The following RBBP4 variants were observed in gnomAD, a reference collection of about 807,000 sequenced individuals.
RBBP4 encodes the protein RB binding protein 4, chromatin remodeling factor.
A neutral mutation model predicts 57.2 loss-of-function variants in RBBP4; 3 were observed. The ratio of observed to expected loss-of-function variants is 0.05; its 90% CI spans 0.02 to 0.14. RBBP4 has a LOEUF of 0.14. Among genes scored for constraint, RBBP4 ranks in the 10% least tolerant of loss-of-function variants. The pLI is 1.00. For synonymous variants in RBBP4, 151 were observed against 171.5 expected, an observed-to-expected ratio of 0.88 and a Z score of 0.93; for missense variants, 107 against 520.6, an observed-to-expected ratio of 0.21 and a Z score of 7.73.
chr1:32,678,498 A>AT (rs1649217892), intron 11 of RBBP4, among the ~76,000 whole-genome samples: 1 of 146,594 alleles, frequency 6.8e-6, no homozygotes, highest in South Asian at 2.3e-4. Flanking sequence ...AAATGCTGGG[A>AT]TTACAGGCGT....
At chr1:32,651,893 A>C in intron 1 of RBBP4, 21 bp from the exon 2 acceptor site, 1 of 1,612,358 alleles carries the variant, frequency 6.2e-7, no homozygotes, top group Non-Finnish European at 8.5e-7. Flanking sequence ...GCTAACTTAA[A>C]TTTGTTTTTA....
chr1:32,662,960 C>T (rs1648489338), intron 3 of RBBP4, among the ~76,000 whole-genome samples: 1 of 151,916 alleles, frequency 6.6e-6, no homozygotes, highest in South Asian at 2.1e-4. Flanking sequence ...GCACTCCAGC[C>T]TGGGTGACGA....
At chr1:32,657,276 TAAAAAAAG>T in intron 2 of RBBP4, 143 bp from the exon 3 acceptor site, 2 of 743,024 alleles carry the variant, frequency 2.7e-6, no homozygotes, top group Non-Finnish European at 4.2e-6. Context: ...ACTCTATTTA[TAAAAAAAG>T]AAAGAAAGAA....
At position 32,668,870 on chromosome 1, in the gene RBBP4, A is replaced by C; in HGVS notation, c.600+16A>C. On this transcript the variant is annotated intron_variant, in intron 5 of 11. Transcript: ENST00000373493. Reference sequence around the variant, plus strand: ...AGATGACCATGTGTGTATCCTTCCCATTTTGAAGCAAATCTGGGCTAGTTA... The same window carrying C: ...AGATGACCATGTGTGTATCCTTCCCCTTTTGAAGCAAATCTGGGCTAGTTA... 1 of 1,613,394 alleles carries C rather than the reference A, an allele frequency of 6.2e-7. No individual in the cohort carries two copies. Among genetic ancestry groups the C allele is most frequent in the South Asian group, 1.1e-5 (1 of 91,066 alleles).
chr1:32,660,648 G>C (rs1648364822), intron 3 of RBBP4, among the ~76,000 whole-genome samples: 1 of 150,136 alleles, frequency 6.7e-6, no homozygotes, highest in African/African-American at 2.5e-5. Context: ...CTGGAACTCT[G>C]GCCTCAATCT....
intron 3 of RBBP4, among the ~76,000 whole-genome samples, chr1:32,665,267 T>C (rs1360102441): frequency 1.3e-5 from 2 of 152,220 alleles, no homozygotes; most frequent in African/African-American, 4.8e-5. Context: ...TTTAGGTTTT[T>C]AGCCTGTGTG....
intron 3 of RBBP4, among the ~76,000 whole-genome samples, chr1:32,661,302 C>CTT (rs4011923): frequency 7.3e-6 from 1 of 137,442 alleles, no homozygotes; most frequent in Non-Finnish European, 1.5e-5. Flanking sequence ...TTTTTAGTTC[C>CTT]TTTTTTTTTT....
intron 3 of RBBP4, among the ~76,000 whole-genome samples, chr1:32,658,696 A>G (rs1648254696): frequency 6.6e-6 from 1 of 151,622 alleles, no homozygotes. Flanking sequence ...ACAGGCATGC[A>G]CCACCACGCC....
At chr1:32,655,985 A>T (rs542821138) in intron 2 of RBBP4, among the ~76,000 whole-genome samples, 21 of 152,286 alleles carry the variant, frequency 1.4e-4, no homozygotes, top group African/African-American at 4.6e-4. Flanking sequence ...CGTTTCTAAC[A>T]AGTTCCCAGA....
chr1:32,669,639 C>T lies in RBBP4; in HGVS notation c.966+76C>T. 6.6e-7 allele frequency: 1 copy of T among 1,513,388 alleles called. No homozygotes were observed. Among genetic ancestry groups the T allele is most frequent in the East Asian group, 2.3e-5 (1 of 43,142 alleles). 93.7% of individuals were successfully genotyped at this position (1,513,388 alleles called of 1,614,324 possible). ...GGCGCGGTCGCTCACGCCTGTAATC[C>T]CAGCACTTTGGGAGGCTGAAGCGGG... On this transcript the variant is annotated intron_variant, in intron 8 of 11. Transcript: ENST00000373493. This position sits in a 1 kb window ranked among gnomAD's most constrained non-coding sequence, Gnocchi z 4.9.
chr1:32,653,537 G>T (rs868801842), intron 2 of RBBP4, among the ~76,000 whole-genome samples: 1 of 145,006 alleles, frequency 6.9e-6, no homozygotes, highest in South Asian at 2.2e-4. Context: ...AGTGGCATAA[G>T]GAAAAATAGG....
rs373681116 is a variant in RBBP4 at position 32,684,021 on chromosome 1, G to C, written c.*4316G>C. On this transcript the variant is annotated 3_prime_UTR_variant, in exon 12 of 12. Coordinates refer to ENST00000373493, the MANE Select transcript of RBBP4 (RefSeq NM_005610.3). ...TTCACAAAGATCACCTTGAGACTGT[G>C]TCTCCATTCCACCTGCCTGAGAAGT... The C allele has an allele frequency of 1.1e-4, 173 of 1,613,986 alleles. No homozygotes were observed. Among genetic ancestry groups the C allele is most frequent in the Non-Finnish European group, 1.4e-4 (167 of 1,179,948 alleles).
At chr1:32,656,206 T>C (rs1479137299) in intron 2 of RBBP4, among the ~76,000 whole-genome samples, 2 of 152,304 alleles carry the variant, frequency 1.3e-5, no homozygotes, top group East Asian at 3.9e-4. Context: ...TTTTTCTTTT[T>C]TGAGACAGGA....
chr1:32,665,749 C>G (rs1275531374), intron 3 of RBBP4, among the ~76,000 whole-genome samples: 1 of 150,566 alleles, frequency 6.6e-6, no homozygotes, highest in Non-Finnish European at 1.5e-5. Context: ...TTAAGTTACT[C>G]TCACAACTTC....
intron 3 of RBBP4, among the ~76,000 whole-genome samples, chr1:32,660,738 G>T (rs1307778510): frequency 6.6e-6 from 1 of 151,844 alleles, no homozygotes; most frequent in Non-Finnish European, 1.5e-5. Context: ...TTTATGTTTG[G>T]GCCATTAAAA....
chr1:32,683,874 C>A lies in RBBP4; in HGVS notation c.*4169C>A. 1 of 774,666 alleles carries A rather than the reference C, an allele frequency of 1.3e-6. No individual in the cohort carries two copies. The highest frequency in any genetic ancestry group is 2.1e-6 in the Non-Finnish European group (1 of 477,210). The allele number at this position is 774,666 out of a possible 1,614,324, so 48.0% of individuals were successfully genotyped here. ...TCTTGAACTCCTGACTCCAGGTGATCCACCCTCCTCAGCCTCCCAAAGTGC... is the reference window on the plus strand; with the variant it reads ...TCTTGAACTCCTGACTCCAGGTGATACACCCTCCTCAGCCTCCCAAAGTGC... On this transcript the variant is annotated 3_prime_UTR_variant, in exon 12 of 12. Transcript: ENST00000373493.
In RBBP4 at chr1:32,683,436, G is replaced by T. The variant is rs1649586749; in HGVS notation, c.*3731G>T. On this transcript the variant is annotated 3_prime_UTR_variant, in exon 12 of 12. Coordinates refer to ENST00000373493, the MANE Select transcript of RBBP4 (RefSeq NM_005610.3). ...TTATAAGGAAAACTGAGAATAGCAG[G>T]TGGGTAGGGTAGGATGAGGAAACAA... The T allele has an allele frequency of 6.6e-6, 1 of 152,240 alleles. No individual in the cohort carries two copies. The highest frequency in any genetic ancestry group is 1.5e-5 in the Non-Finnish European group (1 of 68,128). 9.4% of individuals were successfully genotyped at this position (152,240 alleles called of 1,614,324 possible). A position where few individuals can be genotyped will look rare whatever the true frequency, so the allele number is the denominator to read the frequency against.
At chr1:32,654,910 G>T (rs188687930) in intron 2 of RBBP4, among the ~76,000 whole-genome samples, 3 of 152,240 alleles carry the variant, frequency 2.0e-5, no homozygotes, top group Non-Finnish European at 4.4e-5. Context: ...GTCCAGGCTG[G>T]TCTTGAACTC....
intron 2 of RBBP4, among the ~76,000 whole-genome samples, chr1:32,655,709 G>A (rs1227320026): frequency 2.0e-5 from 3 of 152,120 alleles, no homozygotes; most frequent in South Asian, 2.1e-4. Flanking sequence ...TTACGTGAAG[G>A]CCTTACCCCA....
Sources: gnomAD v4.1 joint callset for allele counts (sites outside exome capture counted in the v4.1 genomes callset) on GRCh38, gnomAD v4.1.1 for gene constraint, Gnocchi (gnomAD v3.1) non-coding constraint, MANE v1.5 for transcripts, NCBI Gene and HGNC (gene_info 2026-07-23, HGNC 2026-07-21) for gene names.